KCNT2: variants seen among roughly 807,000 people sequenced by gnomAD.
The protein encoded by KCNT2 is potassium channel subfamily T member 2.
KCNT2 carries 67 observed loss-of-function variants against 153.8 expected under a neutral mutation model. That is an observed-to-expected ratio of 0.44 (90% CI 0.36 to 0.53). The LOEUF is 0.53. Among genes scored for constraint, KCNT2 ranks in the 20% least tolerant of loss-of-function variants. KCNT2 has a pLI of 0.00. For synonymous variants in KCNT2, 500 were observed against 458.8 expected (o/e 1.09, Z -1.15); for missense variants, 975 against 1,354.8 (o/e 0.72, Z 4.40).
intron 20 of KCNT2, among the ~76,000 whole-genome samples, chr1:196,316,966 G>A (rs993054186): frequency 3.3e-5 from 5 of 151,642 alleles, no homozygotes; most frequent in African/African-American, 9.7e-5. Context: ...ATTGATTTCC[G>A]TATCTTCTGA....
intron 8 of KCNT2, among the ~76,000 whole-genome samples, chr1:196,454,784 C>T (rs1676513006): frequency 6.6e-6 from 1 of 151,852 alleles, no homozygotes; most frequent in African/African-American, 2.4e-5. Flanking sequence ...ATTTAAATAA[C>T]ACAAATTCAT....
intron 18 of KCNT2, among the ~76,000 whole-genome samples, chr1:196,329,369 T>C (rs1664209388): frequency 6.6e-6 from 1 of 152,192 alleles, no homozygotes; most frequent in South Asian, 2.1e-4. Flanking sequence ...ATTAATATGG[T>C]AAAGAGACAG....
At chr1:196,460,689 G>C (rs900574586) in intron 8 of KCNT2, among the ~76,000 whole-genome samples, 2 of 151,694 alleles carry the variant, frequency 1.3e-5, no homozygotes, top group Non-Finnish European at 3.0e-5. Context: ...GTGTCATAGA[G>C]AAGCTACAAT....
At chr1:196,248,733 A>G (rs540097590) in intron 26 of KCNT2, among the ~76,000 whole-genome samples, 88 of 152,316 alleles carry the variant, frequency 5.8e-4, no homozygotes, top group Admixed American at 2.6e-3. Context: ...AGAAGGACTA[A>G]TAACAATCCT....
At chr1:196,338,948 CAAAAAAAAAAAAAAAA>C (rs976388530) in intron 16 of KCNT2, among the ~76,000 whole-genome samples, 1 of 37,732 alleles carries the variant, frequency 2.7e-5, no homozygotes, top group African/African-American at 7.4e-5. Context: ...TGCTTTTTAG[CAAAAAAAAAAAAAAAA>C]AAAAAAAAAA....
chr1:196,284,440 A>T (rs2477359), intron 23 of KCNT2, among the ~76,000 whole-genome samples: 109,180 of 148,398 alleles, frequency 0.74, 42,236 homozygotes, highest in East Asian at 0.94. Flanking sequence ...TATTTAACTT[A>T]TACATGAGAT....
intron 22 of KCNT2, among the ~76,000 whole-genome samples, chr1:196,286,174 G>A (rs957657771): frequency 3.3e-5 from 5 of 152,134 alleles, no homozygotes; most frequent in African/African-American, 9.7e-5. Flanking sequence ...GTAGGCACCT[G>A]TTATGGTCTG....
At chr1:196,316,804 A>T in intron 20 of KCNT2, among the ~76,000 whole-genome samples, 1 of 151,764 alleles carries the variant, frequency 6.6e-6, no homozygotes, top group East Asian at 1.9e-4. Context: ...TTTACCGTTA[A>T]AGCTGAAACA....
intron 13 of KCNT2, among the ~76,000 whole-genome samples, chr1:196,374,224 A>G (rs1421608517): frequency 6.6e-6 from 1 of 151,882 alleles, no homozygotes; most frequent in East Asian, 1.9e-4. Context: ...CAAAATTAAG[A>G]AATAGAAGAT....
chr1:196,466,999 G>A (rs139987222), intron 7 of KCNT2, among the ~76,000 whole-genome samples: 65 of 151,918 alleles, frequency 4.3e-4, no homozygotes, highest in African/African-American at 1.4e-3. Context: ...TCACAACCCC[G>A]CTCAAGCAAA....
intron 21 of KCNT2, among the ~76,000 whole-genome samples, chr1:196,309,339 C>A (rs971318889): frequency 1.3e-5 from 2 of 151,902 alleles, no homozygotes; most frequent in South Asian, 4.2e-4. Context: ...GTTTATTATT[C>A]TTTTATAACA....
At chr1:196,598,351 C>G (rs149321855) in intron 1 of KCNT2, among the ~76,000 whole-genome samples, 119 of 152,240 alleles carry the variant, frequency 7.8e-4, no homozygotes, top group Non-Finnish European at 1.4e-3. Flanking sequence ...CAATAATAAT[C>G]TATACCCCCA....
At chr1:196,470,357 C>T (rs1185377167) in intron 5 of KCNT2, among the ~76,000 whole-genome samples, 1 of 152,144 alleles carries the variant, frequency 6.6e-6, no homozygotes, top group Non-Finnish European at 1.5e-5. Context: ...ACAATCCCTC[C>T]TATTTTAAGG....
rs577460150 is a variant in KCNT2 at position 196,490,826 on chromosome 1, C to T, written c.176-889G>A. ...ATTACTTTACGATATCTGATTCATGCATTATGAATAAAATTTTGATAAAGG... is the reference window on the plus strand; with the variant it reads ...ATTACTTTACGATATCTGATTCATGTATTATGAATAAAATTTTGATAAAGG... On this transcript the variant is annotated intron_variant, in intron 2 of 27. Coordinates refer to ENST00000294725, the MANE Select transcript of KCNT2 (RefSeq NM_198503.5). Among the ~76,000 whole-genome samples, 3 of 151,942 alleles carry T rather than the reference C, an allele frequency of 2.0e-5. No individual in the cohort carries two copies. In the East Asian group the frequency reaches 5.8e-4, roughly 29 times the overall value.
At chr1:196,559,485 G>A (rs1188663455) in intron 1 of KCNT2, among the ~76,000 whole-genome samples, 1 of 151,704 alleles carries the variant, frequency 6.6e-6, no homozygotes, top group Admixed American at 6.6e-5. Flanking sequence ...ATTCCCAGAA[G>A]TGGAGTTACT....
intron 12 of KCNT2, among the ~76,000 whole-genome samples, chr1:196,409,136 A>G (rs1408417869): frequency 6.7e-6 from 1 of 149,184 alleles, no homozygotes; most frequent in East Asian, 2.0e-4. Flanking sequence ...CATCTTTGGT[A>G]TGAGTTCTTG....
intron 1 of KCNT2, among the ~76,000 whole-genome samples, chr1:196,521,286 G>A (rs1351391644): frequency 2.0e-5 from 3 of 152,038 alleles, no homozygotes; most frequent in Non-Finnish European, 4.4e-5. Flanking sequence ...TTTTTAAGAA[G>A]TCAAAAAATA....
At chr1:196,573,254 C>T (rs1159795885) in intron 1 of KCNT2, among the ~76,000 whole-genome samples, 1 of 151,940 alleles carries the variant, frequency 6.6e-6, no homozygotes, top group Admixed American at 6.6e-5. Flanking sequence ...GTGAGAGACA[C>T]GTTTAAAATT....
intron 21 of KCNT2, among the ~76,000 whole-genome samples, chr1:196,314,123 T>C (rs577650392): frequency 6.6e-6 from 1 of 151,766 alleles, no homozygotes; most frequent in East Asian, 1.9e-4. Context: ...AGATGGGGAT[T>C]TATTATTTCC....
Sources: allele counts gnomAD v4.1 joint callset (sites outside exome capture counted in the v4.1 genomes callset), GRCh38; gene constraint gnomAD v4.1.1; transcripts MANE v1.5; gene names NCBI Gene and HGNC (gene_info 2026-07-23, HGNC 2026-07-21).